COL5A2: variants seen among roughly 807,000 people sequenced by gnomAD.
COL5A2 encodes collagen alpha-2(V) chain.
Under a neutral mutation model 208.2 loss-of-function variants are expected in COL5A2, and 23 were observed. The observed-to-expected ratio is 0.11, with a 90% confidence interval of 0.08 to 0.16. The LOEUF (loss-of-function observed/expected upper bound fraction) is 0.16. Ranked by LOEUF, COL5A2 falls within the 10% of genes least tolerant of loss-of-function variation. The pLI is 1.00. For synonymous variants in COL5A2, 625 were observed against 628.5 expected (o/e 0.99, Z 0.08); for missense variants, 1,590 against 1,956.4 (o/e 0.81, Z 3.53).
intron 1 of COL5A2, among the ~76,000 whole-genome samples, chr2:189,113,890 T>C (rs1268887139): frequency 6.6e-6 from 1 of 152,164 alleles, no homozygotes; most frequent in East Asian, 1.9e-4. Flanking sequence ...GCTTATCTTC[T>C]TCCTTGTGGC....
intron 26 of COL5A2, 65 bp from the exon 27 acceptor site, chr2:189,063,335 A>T: frequency 7.8e-7 from 1 of 1,286,752 alleles, no homozygotes; most frequent in Non-Finnish European, 1.1e-6. Flanking sequence ...CATCACCCAA[A>T]GTGTCACCTT....
At chr2:189,057,175 A>C in intron 34 of COL5A2, 145 bp downstream of exon 34, 1 of 1,054,066 alleles carries the variant, frequency 9.5e-7, no homozygotes, top group Non-Finnish European at 1.4e-6. Flanking sequence ...GCATTTTCTC[A>C]GTAAATGTTT....
the COL5A2 span, among the ~76,000 whole-genome samples, chr2:189,337,989 A>C: frequency 6.6e-6 from 1 of 152,346 alleles, no homozygotes; most frequent in South Asian, 2.1e-4. Flanking sequence ...CTGTTTAAAA[A>C]ACATTTGTTG....
At chr2:189,378,726 C>CA in the COL5A2 span, among the ~76,000 whole-genome samples, 21,551 of 79,544 alleles carry the variant, frequency 0.27, 1,771 homozygotes, top group Middle Eastern at 0.36. Context: ...TCCGTCTCAA[C>CA]AAAAAAAAAA....
chr2:189,239,131 TTCTAGCTGATCA>T, the COL5A2 span, among the ~76,000 whole-genome samples: 1 of 152,074 alleles, frequency 6.6e-6, no homozygotes, highest in African/African-American at 2.4e-5. Context: ...AGATATTCAA[TTCTAGCTGATCA>T]TCATCACAGG....
the COL5A2 span, among the ~76,000 whole-genome samples, chr2:189,397,626 C>CATT: frequency 0.83 from 126,569 of 151,808 alleles, 54,462 homozygotes; most frequent in Non-Finnish European, 0.95. Context: ...TGTATTTCAT[C>CATT]GTTTTAATGT....
At chr2:189,296,413 T>A in the COL5A2 span, among the ~76,000 whole-genome samples, 36 of 152,224 alleles carry the variant, frequency 2.4e-4, no homozygotes, top group African/African-American at 8.7e-4. Context: ...CTTATTCTAC[T>A]AACATCTATG....
chr2:189,058,727 A>T, intron 32 of COL5A2, 122 bp downstream of exon 32: 1 of 1,003,304 alleles, frequency 1.0e-6, no homozygotes, highest in Non-Finnish European at 1.5e-6. Flanking sequence ...TCATAAAATT[A>T]ATTTTTATCC....
the COL5A2 span, among the ~76,000 whole-genome samples, chr2:189,411,290 A>G: frequency 6.6e-6 from 1 of 152,142 alleles, no homozygotes. Context: ...ATAAATTATG[A>G]TTTGATGTCT....
chr2:189,113,927 C>T (rs995433367), intron 1 of COL5A2, among the ~76,000 whole-genome samples: 1 of 152,044 alleles, frequency 6.6e-6, no homozygotes, highest in East Asian at 1.9e-4. Context: ...TAAAAAGACA[C>T]ATTGTCTCAG....
intron 1 of COL5A2, among the ~76,000 whole-genome samples, chr2:189,165,602 A>G (rs1449502023): frequency 6.6e-6 from 1 of 152,160 alleles, no homozygotes; most frequent in Admixed American, 6.5e-5. Flanking sequence ...TTTTAATTTA[A>G]CTCCTCAATA....
chr2:189,071,107 C>T (rs7419570), intron 18 of COL5A2, among the ~76,000 whole-genome samples: 145,896 of 152,286 alleles, frequency 0.96, 69,981 homozygotes, highest in Non-Finnish European at 0.98. Flanking sequence ...ATAAGAAGCA[C>T]GAACTTACAT....
chr2:189,338,875 G>A, the COL5A2 span, among the ~76,000 whole-genome samples: 16 of 151,834 alleles, frequency 1.1e-4, no homozygotes, highest in Admixed American at 1.0e-3. Context: ...CTACTACCAA[G>A]CCCAATCTTC....
the COL5A2 span, among the ~76,000 whole-genome samples, chr2:189,359,788 A>C: frequency 7.3e-3 from 1,105 of 152,144 alleles, 15 homozygotes; most frequent in African/African-American, 0.025. Context: ...TTCATGGTTC[A>C]ATCTTGGTAG....
chr2:189,102,856 C>T (rs1687073994), intron 3 of COL5A2, among the ~76,000 whole-genome samples: 1 of 152,004 alleles, frequency 6.6e-6, no homozygotes, highest in South Asian at 2.1e-4. Context: ...TCTTGTGTTT[C>T]TGATGATACC....
At chr2:189,286,353 A>G in the COL5A2 span, among the ~76,000 whole-genome samples, 1 of 152,312 alleles carries the variant, frequency 6.6e-6, no homozygotes, top group South Asian at 2.1e-4. Flanking sequence ...ACTTTTGAGC[A>G]CCAAAAGAAG....
chr2:189,079,174 T>G (rs577924492), intron 14 of COL5A2, 67 bp from the exon 15 acceptor site: 2 of 1,206,872 alleles, frequency 1.7e-6, no homozygotes, highest in Admixed American at 3.8e-5. Context: ...TTGTTCTGTG[T>G]GTGTAATTTT....
intron 1 of COL5A2, among the ~76,000 whole-genome samples, chr2:189,170,747 T>C (rs1688557847): frequency 6.8e-6 from 1 of 147,178 alleles, no homozygotes; most frequent in South Asian, 2.2e-4. Context: ...CACTCTTAGG[T>C]AAAAAAAAAA....
At chr2:189,330,145 C>A in the COL5A2 span, among the ~76,000 whole-genome samples, 870 of 152,186 alleles carry the variant, frequency 5.7e-3, 6 homozygotes, top group Non-Finnish European at 0.01. Flanking sequence ...TAAATCATGT[C>A]AATAGTGTAG....
Sources: allele counts gnomAD v4.1 joint callset (sites outside exome capture counted in the v4.1 genomes callset), GRCh38; gene constraint gnomAD v4.1.1; transcripts MANE v1.5; gene names NCBI Gene and HGNC (gene_info 2026-07-23, HGNC 2026-07-21).